UNKL: variants seen among roughly 807,000 people sequenced by gnomAD.
UNKL encodes putative E3 ubiquitin-protein ligase UNKL.
UNKL carries 60 observed loss-of-function variants against 78.0 expected under a neutral mutation model. The observed-to-expected ratio is 0.77, with a 90% CI of 0.63 to 0.95. The LOEUF (loss-of-function observed/expected upper bound fraction) is 0.95, where lower values mean the gene tolerates loss of function less well. Among genes scored for constraint, UNKL ranks in the 40% least tolerant of loss-of-function variants. The probability of loss-of-function intolerance (pLI) is 0.00; values close to 1 mark genes in which losing one functional copy is unlikely to be tolerated. For missense variants in UNKL, 1,159 were observed against 1,045.7 expected (o/e 1.11, Z -1.49); for synonymous variants, 608 against 474.8 (o/e 1.28, Z -3.65).
chr16:1,408,292 C>CG (rs1043655930), intron 2 of UNKL, among the ~76,000 whole-genome samples: 7 of 152,108 alleles, frequency 4.6e-5, no homozygotes, highest in Non-Finnish European at 7.4e-5. Flanking sequence ...ACGGTTCCCA[C>CG]GGGGGCGGGG....
At chr16:1,393,280 A>T (rs2037125073) in intron 7 of UNKL, among the ~76,000 whole-genome samples, 1 of 152,252 alleles carries the variant, frequency 6.6e-6, no homozygotes, top group Non-Finnish European at 1.5e-5. Context: ...ACACACACAA[A>T]ACCTGGAACC....
intron 2 of UNKL, chr16:1,405,783 C>A: frequency 2.8e-6 from 1 of 355,466 alleles, no homozygotes; most frequent in Non-Finnish European, 5.7e-6. Flanking sequence ...CACGTGATTA[C>A]ACCCAGCACA....
chr16:1,366,070 G>A lies in UNKL; in HGVS notation c.*170C>T. On this transcript the variant is annotated 3_prime_UTR_variant, in exon 15 of 15. Coordinates refer to ENST00000389221, the MANE Select transcript of UNKL (RefSeq NM_001372107.1). ...GTGACAACGTGTGACAGGAAAGGCT[G>A]TCAGGCCAAGCGCAGGCGGGGCTCC... 4.1e-6 allele frequency: 3 copies of A among 724,016 alleles called. No individual in the cohort carries two copies. The highest frequency in any genetic ancestry group is 2.9e-5 in the South Asian group (1 of 34,284). 44.8% of individuals were successfully genotyped at this position (724,016 alleles called of 1,614,324 possible). A position where few individuals can be genotyped will look rare whatever the true frequency, so the allele number is the denominator to read the frequency against.
chr16:1,367,923 G>T, intron 12 of UNKL, 65 bp from the exon 13 acceptor site: 1 of 1,429,438 alleles, frequency 7.0e-7, no homozygotes, highest in Non-Finnish European at 9.5e-7. Flanking sequence ...GGATTGGTGG[G>T]TGCTATGCCC....
At chr16:1,404,120 G>A (rs1342789977) in intron 2 of UNKL, among the ~76,000 whole-genome samples, 2 of 149,294 alleles carry the variant, frequency 1.3e-5, no homozygotes, top group Non-Finnish European at 3.0e-5. Flanking sequence ...ACTCCAGAAG[G>A]AGGCAAAGGG....
intron 12 of UNKL, chr16:1,369,806 C>A: frequency 1.3e-6 from 1 of 775,814 alleles, no homozygotes; most frequent in Non-Finnish European, 2.0e-6. Context: ...GAAACGCCAT[C>A]TCTACTAAAA....
chr16:1,370,096 C>A, intron 12 of UNKL, 34 bp downstream of exon 12: 1 of 1,542,314 alleles, frequency 6.5e-7, no homozygotes. Flanking sequence ...GGAGGCTTCA[C>A]GGCAACGCCA....
intron 10 of UNKL, among the ~76,000 whole-genome samples, chr16:1,381,448 C>T (rs962170257): frequency 6.6e-6 from 1 of 152,088 alleles, no homozygotes; most frequent in Non-Finnish European, 1.5e-5. Flanking sequence ...GGCAAAACCC[C>T]GTCTCTATTA....
At chr16:1,368,151 C>G (rs2035463940) in intron 12 of UNKL, 1 of 470,552 alleles carries the variant, frequency 2.1e-6, no homozygotes, top group Non-Finnish European at 3.8e-6. Context: ...TTCCTGGGAC[C>G]ACACCATGAG....
At chr16:1,379,748 G>A in intron 10 of UNKL, 1 of 887,432 alleles carries the variant, frequency 1.1e-6, no homozygotes, top group Non-Finnish European at 1.3e-6. Flanking sequence ...CCCCGCCCCC[G>A]TCGCACTGGC....
intron 13 of UNKL, 64 bp downstream of exon 13, chr16:1,367,592 C>G (rs529198780): frequency 8.7e-5 from 113 of 1,299,072 alleles, no homozygotes; most frequent in Non-Finnish European, 3.1e-5. Flanking sequence ...CACCCCCACA[C>G]GCTCACCTGA....
Position 1,364,260 on chromosome 16 carries a change from A to C in UNKL, c.*1980T>G, listed in dbSNP as rs557327998. The stretch of plus-strand genomic sequence containing the variant: ...AGAATGTCACGGACCCACTTCCTTT[A>C]AAACAACAGAATGTTGCTATCAGTT... On this transcript the variant is annotated 3_prime_UTR_variant, in exon 15 of 15. Transcript: ENST00000389221. 3.3e-5 allele frequency: 5 copies of C among 152,368 alleles called. No individual in the cohort carries two copies. The highest frequency in any genetic ancestry group is 2.6e-4 in the Admixed American group (4 of 15,298). 9.4% of individuals were successfully genotyped at this position (152,368 alleles called of 1,614,324 possible).
In UNKL at chr16:1,397,240, A is replaced by G; in HGVS notation, c.790T>C (p.Cys264Arg). The stretch of plus-strand genomic sequence containing the variant: ...TACTGGCAGCCGTCGCCGCCATCGC[A>G]GCGTGAGGGTTCCCCCCACTCATCC... ...HGDEWGEPSR[C>R]DGGDGCQYCH... The change falls in exon 6 of 15, where the codon TGC becomes CGC. Residue 264 changes from cysteine to arginine, a missense_variant. Transcript: ENST00000389221. The G allele has an allele frequency of 6.5e-7, 1 of 1,543,614 alleles. No individual in the cohort carries two copies. The highest frequency in any genetic ancestry group is 1.2e-5 in the South Asian group (1 of 83,986).
intron 13 of UNKL, 62 bp downstream of exon 13, chr16:1,367,594 C>A (rs1189345517): frequency 4.4e-6 from 6 of 1,360,370 alleles, no homozygotes; most frequent in Non-Finnish European, 5.9e-6. Context: ...CCCCCACACG[C>A]TCACCTGAGT....
At position 1,403,995 on chromosome 16, in the gene UNKL, G is replaced by A. The variant is rs573563040; in HGVS notation, c.288-651C>T. The stretch of plus-strand genomic sequence containing the variant: ...CAGGCAGCTCCTGAAGCACGATGGG[G>A]TGCAGTGGAGAGGGGAAGCAGCTGC... On this transcript the variant is annotated intron_variant, in intron 2 of 14. Coordinates refer to ENST00000389221, the MANE Select transcript of UNKL (RefSeq NM_001372107.1). The surrounding 1 kb of genome is among the most constrained non-coding windows in gnomAD (Gnocchi z 4.8). 6.6e-6 allele frequency among the ~76,000 whole-genome samples: 1 copy of A among 152,320 alleles called. No homozygotes were observed. The highest frequency in any genetic ancestry group is 2.4e-5 in the African/African-American group (1 of 41,562).
chr16:1,414,586 G>A (rs771603632), intron 1 of UNKL, 29 bp downstream of exon 1: 1 of 1,000,488 alleles, frequency 1.0e-6, no homozygotes. Context: ...GGGCGCGGGC[G>A]GGGGGCCGCA....
chr16:1,392,170 C>T (rs1358348522), intron 8 of UNKL, among the ~76,000 whole-genome samples: 1 of 152,120 alleles, frequency 6.6e-6, no homozygotes, highest in African/African-American at 2.4e-5. Context: ...TCAGAGTGTG[C>T]CACCCCAAAA....
In UNKL at chr16:1,405,238, A is replaced by AAGGG. The variant is rs1254654008; in HGVS notation, c.288-1898_288-1895dup. ...AAAAAAAAAAAGGAGGCGAGGAAGG[A>AAGGG]AGGGAGGGAGGGAGAGGAAAGAAAG... On this transcript the variant is annotated intron_variant, in intron 2 of 14. Coordinates refer to ENST00000389221, the MANE Select transcript of UNKL (RefSeq NM_001372107.1). 5.6e-3 allele frequency among the ~76,000 whole-genome samples: 794 copies of AAGGG among 140,604 alleles called. 16 individuals carry two copies. The highest frequency in any genetic ancestry group is 0.021 in the African/African-American group (760 of 36,624). 92.2% of individuals were successfully genotyped at this position (140,604 alleles called of 152,430 possible). A position where few individuals can be genotyped will look rare whatever the true frequency, so the allele number is the denominator to read the frequency against.
At chr16:1,402,260 G>A (rs528270349) in intron 3 of UNKL, among the ~76,000 whole-genome samples, 58 of 23,906 alleles carry the variant, frequency 2.4e-3, no homozygotes, top group African/African-American at 7.3e-3. Context: ...TGCTGAGTTC[G>A]TTCTCCTGGA....
Sources: gnomAD v4.1 joint callset for allele counts (sites outside exome capture counted in the v4.1 genomes callset) on GRCh38, gnomAD v4.1.1 for gene constraint, Gnocchi (gnomAD v3.1) non-coding constraint, MANE v1.5 for transcripts, NCBI Gene and HGNC (gene_info 2026-07-23, HGNC 2026-07-21) for gene names.